The following RESF1 variants were observed in gnomAD, a reference collection of about 807,000 sequenced individuals.
RESF1 encodes gonad expressed transcript.
Under a neutral mutation model 134.7 loss-of-function variants are expected in RESF1, and 65 were observed. The observed-to-expected ratio is 0.48, with a 90% CI of 0.40 to 0.59. RESF1 has a LOEUF of 0.59. Among genes scored for constraint, RESF1 ranks in the 20% least tolerant of loss-of-function variants. The probability of loss-of-function intolerance (pLI) is 0.00; values close to 1 mark genes in which losing one functional copy is unlikely to be tolerated. For synonymous variants in RESF1, 762 were observed against 702.2 expected (o/e 1.09, Z -1.35); for missense variants, 2,274 against 2,002.7 (o/e 1.14, Z -2.59).
chr12:31,966,261 C>T (rs1027086168), intron 2 of RESF1, among the ~76,000 whole-genome samples: 2 of 152,222 alleles, frequency 1.3e-5, no homozygotes, highest in South Asian at 2.1e-4. Flanking sequence ...GCCCATGGGC[C>T]GCGGATTGGA....
Position 31,984,902 on chromosome 12 carries a change from A to G in RESF1, c.3947A>G (p.Gln1316Arg). Residue 1316 changes from glutamine (Q) to arginine (R), a missense_variant, in exon 4 of 6, where the codon CAA becomes CGA. By Grantham distance (43) the Gln-to-Arg change is conservative (BLOSUM62 1). Transcript: ENST00000312561. ...SSNKMTASYE[Q>R]ASQETRQKKH... ...AATAAAATGACAGCATCTTATGAAC[A>G]AGCTTCTCAGGAAACCCGACAGAAG... 6.2e-7 allele frequency: 1 copy of G among 1,611,080 alleles called. No homozygotes were observed. Among genetic ancestry groups the G allele is most frequent in the Non-Finnish European group, 8.5e-7 (1 of 1,179,356 alleles).
At chr12:31,974,522 C>T (rs1176020094) in intron 3 of RESF1, among the ~76,000 whole-genome samples, 2 of 152,080 alleles carry the variant, frequency 1.3e-5, no homozygotes, top group Non-Finnish European at 2.9e-5. Context: ...TGTGTCCTAA[C>T]GTGGTCCTTC....
At chr12:31,964,468 C>CT (rs970822583) in intron 2 of RESF1, among the ~76,000 whole-genome samples, 6 of 152,094 alleles carry the variant, frequency 3.9e-5, no homozygotes, top group Non-Finnish European at 4.4e-5. Flanking sequence ...TGATCTCATT[C>CT]TTTTTTTATG....
chr12:31,978,166 T>A (rs1241224324), intron 3 of RESF1, among the ~76,000 whole-genome samples: 1 of 152,196 alleles, frequency 6.6e-6, no homozygotes, highest in East Asian at 1.9e-4. Flanking sequence ...GGCATATCTT[T>A]ACACTCAGCT....
rs1173524488 is a variant in RESF1 at position 31,992,484 on chromosome 12, G to T, written c.5193G>T (p.Gln1731His). 2 of 1,613,896 alleles carry T rather than the reference G, an allele frequency of 1.2e-6. No homozygotes were observed. The highest frequency in any genetic ancestry group is 2.7e-5 in the African/African-American group (2 of 74,904). The change falls in exon 6 of 6, where the codon CAG becomes CAT. Residue 1731 changes from glutamine (Q) to histidine (H), a missense_variant. Physicochemically the swap from Gln to His is conservative, Grantham distance 24 (BLOSUM62 0). Coordinates refer to ENST00000312561, the MANE Select transcript of RESF1 (RefSeq NM_018169.4). ...AAGAAATGTTTCAAACCTACAAACA[G>T]ATGTACCTGGAGAAGAGAAGCAGAA... ...DSKEMFQTYK[Q>H]MYLEKRSRSL...
In RESF1 at chr12:31,985,333, A is replaced by C. The variant is rs1157633223; in HGVS notation, c.4378A>C (p.Ser1460Arg). The C allele has an allele frequency of 6.2e-7, 1 of 1,611,576 alleles. No homozygotes were observed. The change falls in exon 4 of 6, where the codon AGT (serine) becomes CGT (arginine). Residue 1460 changes from serine to arginine, a missense_variant. By Grantham distance (110) the Ser-to-Arg change is moderately radical (BLOSUM62 -1). Coordinates refer to ENST00000312561, the MANE Select transcript of RESF1 (RefSeq NM_018169.4). The stretch of plus-strand genomic sequence containing the variant: ...AAGGCAGAAGCATAAAGAAGCTCTG[A>C]GTAATAAAGCATCGAAGAAAATCTG... ...LQRQKHKEAL[S>R]NKASKKICVK...
chr12:31,986,009 T>G, intron 4 of RESF1, 52 bp downstream of exon 4: 1 of 1,274,508 alleles, frequency 7.8e-7, no homozygotes, highest in Admixed American at 3.0e-5. Context: ...GAGTCGTAGG[T>G]CAATATTTGG....
intron 3 of RESF1, among the ~76,000 whole-genome samples, chr12:31,971,309 A>AT (rs1939501604): frequency 6.6e-6 from 1 of 152,016 alleles, no homozygotes; most frequent in Non-Finnish European, 1.5e-5. Flanking sequence ...TACCTGGCTA[A>AT]TTTTTTGTAT....
intron 2 of RESF1, among the ~76,000 whole-genome samples, chr12:31,969,161 C>T (rs11837802): frequency 8.6e-4 from 131 of 152,044 alleles, no homozygotes; most frequent in African/African-American, 3.0e-3. Flanking sequence ...ACTGTGTTGC[C>T]CATGCTGGTT....
intron 5 of RESF1, among the ~76,000 whole-genome samples, chr12:31,987,766 C>A (rs1274728318): frequency 6.6e-6 from 1 of 151,938 alleles, no homozygotes; most frequent in African/African-American, 2.4e-5. Context: ...GACAGAGTCT[C>A]ACTCTGTCAC....
rs1263907399 is a variant in RESF1, at chr12:31,984,102, A to G, written c.3147A>G (p.Leu1049=). 1 of 1,613,840 alleles carries G rather than the reference A, an allele frequency of 6.2e-7. No individual in the cohort carries two copies. The highest frequency in any genetic ancestry group is 8.5e-7 in the Non-Finnish European group (1 of 1,179,984). The change falls in exon 4 of 6, where the codon TTA becomes TTG. Residue 1049 remains leucine, a synonymous_variant. Coordinates refer to ENST00000312561, the MANE Select transcript of RESF1 (RefSeq NM_018169.4). ...NEIHSDKAPV[L]YLHDQLSELL... ...TCCACAGTGATAAGGCACCTGTCTT[A>G]TACCTACATGACCAGCTGTCAGAAC...
chr12:31,990,299 C>T (rs1940068860), intron 5 of RESF1, among the ~76,000 whole-genome samples: 1 of 152,052 alleles, frequency 6.6e-6, no homozygotes, highest in African/African-American at 2.4e-5. Flanking sequence ...AAACCAGGTA[C>T]ACTAAGGCAA....
At chr12:31,967,748 C>T (rs897339954) in intron 2 of RESF1, among the ~76,000 whole-genome samples, 1 of 151,912 alleles carries the variant, frequency 6.6e-6, no homozygotes, top group South Asian at 2.1e-4. Flanking sequence ...TGGCTTGCTG[C>T]CACCACCCAG....
Position 31,983,968 on chromosome 12 carries a change from A to T in RESF1, c.3013A>T (p.Ser1005Cys). The T allele has an allele frequency of 1.2e-6, 2 of 1,613,668 alleles. No individual in the cohort carries two copies. Among genetic ancestry groups the T allele is most frequent in the Non-Finnish European group, 1.7e-6 (2 of 1,179,888 alleles). ...TAGTTTGGAGCATGCCACTGAAAAAAGCACAGCTAACGATACGTGCTCGTC... is the reference window on the plus strand; with the variant it reads ...TAGTTTGGAGCATGCCACTGAAAAATGCACAGCTAACGATACGTGCTCGTC... ...KSSLEHATEK[S>C]TANDTCSSAA... is the part of the protein sequence containing the mutation. Residue 1005 changes from serine to cysteine, a missense_variant, in exon 4 of 6, where the codon AGC (serine) becomes TGC (cysteine). By Grantham distance (112) the Ser-to-Cys change is moderately radical. Transcript: ENST00000312561.
intron 3 of RESF1, among the ~76,000 whole-genome samples, chr12:31,971,655 A>C (rs1041831666): frequency 1.3e-5 from 2 of 152,170 alleles, no homozygotes; most frequent in African/African-American, 4.8e-5. Flanking sequence ...CACTCCTAAA[A>C]TTCGAGCAGT....
At chr12:31,963,091 C>T (rs905727698) in intron 2 of RESF1, among the ~76,000 whole-genome samples, 5 of 147,992 alleles carry the variant, frequency 3.4e-5, no homozygotes, top group African/African-American at 1.3e-4. Context: ...ATGGGCTGGT[C>T]GCAGTGGCTC....
intron 3 of RESF1, among the ~76,000 whole-genome samples, chr12:31,978,805 C>T (rs1265255299): frequency 6.6e-6 from 1 of 151,394 alleles, no homozygotes; most frequent in East Asian, 1.9e-4. Flanking sequence ...TCGTGATACC[C>T]CTGCCTCAGC....
Position 31,992,852 on chromosome 12 carries a change from C to T in RESF1, c.*317C>T, listed in dbSNP as rs1940126035. On this transcript the variant is annotated 3_prime_UTR_variant, in exon 6 of 6. Transcript: ENST00000312561. ...CTACCCATCTTGAGGGAGGACCGTTCCTCAGTTAAGGACTTGTTTATTTAA... is the reference window on the plus strand; with the variant it reads ...CTACCCATCTTGAGGGAGGACCGTTTCTCAGTTAAGGACTTGTTTATTTAA... 1 of 306,686 alleles carries T rather than the reference C, an allele frequency of 3.3e-6. No individual in the cohort carries two copies. Among genetic ancestry groups the T allele is most frequent in the Non-Finnish European group, 6.2e-6 (1 of 162,520 alleles). 19.0% of individuals were successfully genotyped at this position (306,686 alleles called of 1,614,324 possible).
At chr12:31,962,762 C>G (rs932114105) in intron 2 of RESF1, among the ~76,000 whole-genome samples, 1 of 152,208 alleles carries the variant, frequency 6.6e-6, no homozygotes, top group Non-Finnish European at 1.5e-5. Flanking sequence ...TATTATTTTT[C>G]AAGCCCCAAA....
Sources: allele counts gnomAD v4.1 joint callset (sites outside exome capture counted in the v4.1 genomes callset), GRCh38; gene constraint gnomAD v4.1.1; transcripts MANE v1.5; gene names NCBI Gene and HGNC (gene_info 2026-07-23, HGNC 2026-07-21).